The following ADK variants were observed in gnomAD, a reference collection of about 807,000 sequenced individuals.
ADK encodes the protein N6,N6-dimethyladenosine kinase.
ADK carries 24 observed loss-of-function variants against 44.7 expected under a neutral mutation model. The ratio of observed to expected loss-of-function variants is 0.54; its 90% CI spans 0.39 to 0.76. The LOEUF (loss-of-function observed/expected upper bound fraction) is 0.76. ADK is among the 30% of genes least tolerant of loss of function. The probability of loss-of-function intolerance (pLI) is 0.00; values close to 1 mark genes in which losing one functional copy is unlikely to be tolerated. For synonymous variants in ADK, 128 were observed against 142.6 expected (o/e 0.90, Z 0.73); for missense variants, 321 against 425.1 (o/e 0.76, Z 2.15).
At chr10:74,276,342 A>G (rs1846678861) in intron 3 of ADK, among the ~76,000 whole-genome samples, 1 of 152,106 alleles carries the variant, frequency 6.6e-6, no homozygotes. Flanking sequence ...TCTCCTTTCT[A>G]CTACGTAGCT....
intron 6 of ADK, among the ~76,000 whole-genome samples, chr10:74,426,895 A>G (rs1383656355): frequency 1.3e-5 from 2 of 152,008 alleles, no homozygotes; most frequent in Non-Finnish European, 2.9e-5. Context: ...TGCACCCATC[A>G]ACTATCACCT....
At chr10:74,614,129 A>G (rs1852657205) in intron 9 of ADK, among the ~76,000 whole-genome samples, 1 of 152,154 alleles carries the variant, frequency 6.6e-6, no homozygotes, top group Non-Finnish European at 1.5e-5. Context: ...GACCTGTCAC[A>G]TTTTTGACAA....
chr10:74,234,149 A>G (rs550935560), intron 3 of ADK, among the ~76,000 whole-genome samples: 33 of 152,342 alleles, frequency 2.2e-4, no homozygotes, highest in Middle Eastern at 3.4e-3. Flanking sequence ...GGAATGATAT[A>G]GACTTGGGGG....
At chr10:74,302,750 C>A (rs1038225624) in intron 3 of ADK, among the ~76,000 whole-genome samples, 1 of 152,048 alleles carries the variant, frequency 6.6e-6, no homozygotes, top group Non-Finnish European at 1.5e-5. Flanking sequence ...GAACCCAAAT[C>A]GTGCCACTGC....
At chr10:74,669,717 A>G (rs1359019016) in intron 9 of ADK, among the ~76,000 whole-genome samples, 1 of 152,260 alleles carries the variant, frequency 6.6e-6, no homozygotes, top group African/African-American at 2.4e-5. Flanking sequence ...GTGATTTTCT[A>G]TAAAGAAACA....
chr10:74,465,009 A>G lies in ADK; in HGVS notation c.556-60247A>G, dbSNP rs146636883. 2.4e-3 allele frequency among the ~76,000 whole-genome samples: 372 copies of G among 152,314 alleles called. 2 individuals are homozygous for G. Among genetic ancestry groups the G allele is most frequent in the African/African-American group, 8.5e-3 (352 of 41,564 alleles). On this transcript the variant is annotated intron_variant, in intron 6 of 10. Transcript: ENST00000539909. ...CGACCAGGTAAATATTGCTGTCCTC[A>G]GGGTGCTTACCTTTCAGTGGGTAAT...
chr10:74,410,616 G>C (rs149657442), intron 6 of ADK, among the ~76,000 whole-genome samples: 1 of 152,140 alleles, frequency 6.6e-6, no homozygotes, highest in Admixed American at 6.5e-5. Flanking sequence ...AGGAGGCAGA[G>C]GTTGCGGTGA....
chr10:74,366,496 T>C (rs1842503735), intron 4 of ADK, among the ~76,000 whole-genome samples: 1 of 152,216 alleles, frequency 6.6e-6, no homozygotes, highest in Non-Finnish European at 1.5e-5. Flanking sequence ...ATTTGTCAGT[T>C]GCAAATCTGA....
chr10:74,599,938 A>G (rs866446147), intron 8 of ADK, among the ~76,000 whole-genome samples: 5 of 152,104 alleles, frequency 3.3e-5, no homozygotes, highest in South Asian at 2.1e-4. Context: ...CTTTATAAAA[A>G]CCTCTCTTTA....
chr10:74,480,618 AC>A (rs1847033411), intron 6 of ADK, among the ~76,000 whole-genome samples: 1 of 151,076 alleles, frequency 6.6e-6, no homozygotes, highest in East Asian at 1.9e-4. Context: ...CTAATTTCTT[AC>A]TCTTAATTTT....
At chr10:74,243,168 C>A (rs1306045776) in intron 3 of ADK, among the ~76,000 whole-genome samples, 1 of 152,196 alleles carries the variant, frequency 6.6e-6, no homozygotes, top group Non-Finnish European at 1.5e-5. Flanking sequence ...ACCACTGTAA[C>A]ACTTTCTCTG....
At chr10:74,446,661 C>A (rs986791322) in intron 6 of ADK, among the ~76,000 whole-genome samples, 2 of 152,120 alleles carry the variant, frequency 1.3e-5, no homozygotes, top group African/African-American at 2.4e-5. Context: ...TTCCCATGTA[C>A]ATACAGTGAA....
chr10:74,229,359 C>A (rs978132059), intron 3 of ADK, among the ~76,000 whole-genome samples: 2 of 145,814 alleles, frequency 1.4e-5, no homozygotes, highest in Non-Finnish European at 3.0e-5. Context: ...AGGGATATGT[C>A]AGGGAAGTTA....
chr10:74,353,665 G>A (rs1163807305), intron 4 of ADK, among the ~76,000 whole-genome samples: 1 of 151,484 alleles, frequency 6.6e-6, no homozygotes, highest in East Asian at 1.9e-4. Flanking sequence ...TCAGGAGATC[G>A]AGACCATCCT....
intron 4 of ADK, among the ~76,000 whole-genome samples, chr10:74,333,634 A>G (rs1256411843): frequency 6.6e-6 from 1 of 152,188 alleles, no homozygotes; most frequent in African/African-American, 2.4e-5. Flanking sequence ...CTTGATTGAG[A>G]GAGCTGAAAG....
intron 4 of ADK, among the ~76,000 whole-genome samples, chr10:74,333,244 A>C (rs1841282794): frequency 6.6e-6 from 1 of 152,232 alleles, no homozygotes; most frequent in Admixed American, 6.5e-5. Context: ...GGTTTTAAAA[A>C]AGAAATACCA....
intron 1 of ADK, 51 bp downstream of exon 1, chr10:74,151,394 A>C: frequency 6.5e-7 from 1 of 1,541,102 alleles, no homozygotes; most frequent in Non-Finnish European, 8.8e-7. Flanking sequence ...CAAGCAAGCC[A>C]GGGCCCACGT....
At position 74,292,309 on chromosome 10, in the gene ADK, G is replaced by T. The variant is rs190072414; in HGVS notation, c.195-22358G>T. ...TTTTTCCCTGCATGTGGTAGTCGGTGTATAGGCCTGTTTCTGTGATGGGAA... is the reference window on the plus strand; with the variant it reads ...TTTTTCCCTGCATGTGGTAGTCGGTTTATAGGCCTGTTTCTGTGATGGGAA... On this transcript the variant is annotated intron_variant, in intron 3 of 10. Transcript: ENST00000539909. Among the ~76,000 whole-genome samples the T allele has an allele frequency of 1.8e-4, 27 of 152,268 alleles. No homozygotes were observed. In the East Asian group the frequency reaches 4.4e-3, roughly 25 times the overall value.
In ADK at chr10:74,398,474, C is replaced by T. The variant is rs752668943; in HGVS notation, c.450C>T (p.Ser150=). ...CAACITGDNR[S]LIANLAAANC... ...GCTTATTCTTTGGTTGTTTTAGGTC[C>T]CTCATAGCTAATCTTGCTGCTGCCA... is the stretch of plus-strand genomic sequence containing the variant. The change falls in exon 6 of 11, where the codon TCC becomes TCT. Residue 150 remains serine (S), a synonymous_variant. Coordinates refer to ENST00000539909, the MANE Select transcript of ADK (RefSeq NM_006721.4). 2 of 1,603,914 alleles carry T rather than the reference C, an allele frequency of 1.2e-6. No homozygotes were observed. The highest frequency in any genetic ancestry group is 2.2e-5 in the South Asian group (2 of 90,642).
Sources: allele counts gnomAD v4.1 joint callset (sites outside exome capture counted in the v4.1 genomes callset), GRCh38; gene constraint gnomAD v4.1.1; transcripts MANE v1.5; gene names NCBI Gene and HGNC (gene_info 2026-07-23, HGNC 2026-07-21).